TOX2: variants seen among roughly 807,000 people sequenced by gnomAD.
TOX2 encodes the protein TOX high mobility group box family member 2.
TOX2 carries 15 observed loss-of-function variants against 47.4 expected under a neutral mutation model. The observed-to-expected ratio is 0.32, with a 90% confidence interval of 0.21 to 0.49. The LOEUF (loss-of-function observed/expected upper bound fraction) is 0.49. Ranked by LOEUF, TOX2 falls within the 20% of genes least tolerant of loss-of-function variation. The pLI, the probability that TOX2 is intolerant of heterozygous loss-of-function variation, is 0.99. For synonymous variants in TOX2, 290 were observed against 296.6 expected (o/e 0.98, Z 0.23); for missense variants, 622 against 673.1 (o/e 0.92, Z 0.84).
At chr20:44,007,644 A>T (rs1392832531) in intron 3 of TOX2, 1 of 152,488 alleles carries the variant, frequency 6.6e-6, no homozygotes. Context: ...CTAGGAGTTC[A>T]AGACCAGCCT....
intron 8 of TOX2, among the ~76,000 whole-genome samples, chr20:44,067,796 C>A (rs1045455707): frequency 6.6e-6 from 1 of 152,168 alleles, no homozygotes; most frequent in South Asian, 2.1e-4. Context: ...CTCCTTAACC[C>A]GCCAGCCAGG....
chr20:43,989,146 T>A (rs2070324094), intron 2 of TOX2, among the ~76,000 whole-genome samples: 1 of 152,210 alleles, frequency 6.6e-6, no homozygotes, highest in Non-Finnish European at 1.5e-5. Context: ...TAGAGTCTCC[T>A]AAATCAGAAT....
intron 2 of TOX2, among the ~76,000 whole-genome samples, chr20:44,003,570 A>G (rs898760803): frequency 1.4e-4 from 22 of 152,220 alleles, no homozygotes; most frequent in African/African-American, 5.3e-4. Flanking sequence ...TAAATATCAG[A>G]CAAATAATCA....
intron 1 of TOX2, chr20:43,945,888 A>G: frequency 6.2e-7 from 1 of 1,609,340 alleles, no homozygotes. Flanking sequence ...TATTTCTGGC[A>G]TTTTTTCCTC....
At chr20:44,054,177 C>T in intron 4 of TOX2, 122 bp from the exon 5 acceptor site, 4 of 1,011,554 alleles carry the variant, frequency 4.0e-6, no homozygotes, top group Non-Finnish European at 6.0e-6. Context: ...CTCCATCGCG[C>T]GAGTGGTTAT....
intron 1 of TOX2, among the ~76,000 whole-genome samples, chr20:43,953,847 C>T (rs991994646): frequency 3.3e-5 from 5 of 152,084 alleles, no homozygotes; most frequent in Non-Finnish European, 5.9e-5. Flanking sequence ...TCCTGGTTTG[C>T]GACTAGGTTA....
chr20:43,988,164 C>T (rs541433154), intron 2 of TOX2, among the ~76,000 whole-genome samples: 4 of 152,126 alleles, frequency 2.6e-5, no homozygotes, highest in African/African-American at 7.2e-5. Context: ...GTGATCTGCC[C>T]GCCTCGGCCT....
chr20:43,920,589 A>G (rs963403797), intron 1 of TOX2, among the ~76,000 whole-genome samples: 6 of 152,090 alleles, frequency 3.9e-5, no homozygotes, highest in Non-Finnish European at 8.8e-5. Context: ...CTCCTCCCCC[A>G]ACCTGTGCTG....
At chr20:44,027,828 G>A (rs1346832327) in intron 3 of TOX2, among the ~76,000 whole-genome samples, 1 of 152,132 alleles carries the variant, frequency 6.6e-6, no homozygotes, top group Non-Finnish European at 1.5e-5. Context: ...GCAGGGGCCC[G>A]ACCATGGCGT....
rs982417182 is a variant in TOX2 at position 44,066,010 on chromosome 20, C to G, written c.1259C>G (p.Pro420Arg). Reference sequence around the variant, plus strand: ...GCCCAGGGCGCCCTCCTCAGTCCACCTGTTAGCATGTCCCCAGCCCCCCAG... The same window carrying G: ...GCCCAGGGCGCCCTCCTCAGTCCACGTGTTAGCATGTCCCCAGCCCCCCAG... ...PHAQGALLSP[P>R]VSMSPAPQPP... The change falls in exon 7 of 9, where the codon CCT (proline) becomes CGT (arginine). Residue 420 changes from proline (P) to arginine (R), a missense_variant. Pro to Arg is a moderately radical substitution (Grantham distance 103). Coordinates refer to ENST00000341197, the MANE Select transcript of TOX2 (RefSeq NM_001098797.2). 6.2e-7 allele frequency: 1 copy of G among 1,612,314 alleles called. No homozygotes were observed. The highest frequency in any genetic ancestry group is 1.7e-5 in the Admixed American group (1 of 59,954).
intron 2 of TOX2, among the ~76,000 whole-genome samples, chr20:43,988,055 G>A (rs1326223296): frequency 1.3e-5 from 2 of 151,818 alleles, no homozygotes; most frequent in South Asian, 2.1e-4. Context: ...GAGTAGCGGG[G>A]ATTACAGGCA....
At chr20:44,007,511 C>G (rs2070708831) in intron 3 of TOX2, 1 of 152,314 alleles carries the variant, frequency 6.6e-6, no homozygotes, top group Non-Finnish European at 1.5e-5. Flanking sequence ...AGGCACTGCA[C>G]TCCGGGCATC....
At chr20:43,964,245 G>T (rs2069810933) in intron 1 of TOX2, among the ~76,000 whole-genome samples, 1 of 152,166 alleles carries the variant, frequency 6.6e-6, no homozygotes, top group Non-Finnish European at 1.5e-5. Flanking sequence ...CCCGGGTCAG[G>T]CTGAGACTGA....
intron 2 of TOX2, among the ~76,000 whole-genome samples, chr20:43,986,240 C>T (rs572224733): frequency 1.7e-4 from 19 of 112,642 alleles, no homozygotes; most frequent in African/African-American, 4.4e-4. Flanking sequence ...TGGGAAGGGA[C>T]GAGGAAGCCT....
At chr20:44,016,623 A>G (rs2070883019) in intron 3 of TOX2, among the ~76,000 whole-genome samples, 1 of 152,066 alleles carries the variant, frequency 6.6e-6, no homozygotes, top group Non-Finnish European at 1.5e-5. Flanking sequence ...TCAAAATAAA[A>G]ACGAAAAATG....
chr20:43,982,748 A>G (rs1268140664), intron 2 of TOX2, among the ~76,000 whole-genome samples: 1 of 151,674 alleles, frequency 6.6e-6, no homozygotes, highest in Non-Finnish European at 1.5e-5. Flanking sequence ...GGCTGGAAGA[A>G]TGAGGGGCTG....
intron 1 of TOX2, among the ~76,000 whole-genome samples, chr20:43,925,571 C>A (rs745451102): frequency 6.6e-6 from 1 of 152,276 alleles, no homozygotes; most frequent in South Asian, 2.1e-4. Flanking sequence ...GGGGCAAAAC[C>A]AACAAACAGC....
Position 44,069,010 on chromosome 20 carries a change from A to T in TOX2, c.*324A>T. 1 of 482,362 alleles carries T rather than the reference A, an allele frequency of 2.1e-6. No homozygotes were observed. Among genetic ancestry groups the T allele is most frequent in the Non-Finnish European group, 4.0e-6 (1 of 249,270 alleles). 29.9% of individuals were successfully genotyped at this position (482,362 alleles called of 1,614,324 possible). Reference sequence around the variant, plus strand: ...CCGGCCCCAGCTCCAGCCCCAGCCCAGGTGGGCCGCCCCTGGCGGGGTCGC... The same window carrying T: ...CCGGCCCCAGCTCCAGCCCCAGCCCTGGTGGGCCGCCCCTGGCGGGGTCGC... On this transcript the variant is annotated 3_prime_UTR_variant, in exon 9 of 9. Coordinates refer to ENST00000341197, the MANE Select transcript of TOX2 (RefSeq NM_001098797.2).
At chr20:43,971,187 G>A (rs140980198) in intron 1 of TOX2, among the ~76,000 whole-genome samples, 145 of 152,256 alleles carry the variant, frequency 9.5e-4, no homozygotes, top group African/African-American at 3.4e-3. Flanking sequence ...CCTTCTCTGT[G>A]CCAGGCACTG....
Sources: gnomAD v4.1 joint callset for allele counts (sites outside exome capture counted in the v4.1 genomes callset) on GRCh38, gnomAD v4.1.1 for gene constraint, MANE v1.5 for transcripts, NCBI Gene and HGNC (gene_info 2026-07-23, HGNC 2026-07-21) for gene names.